Variants in UBAC2 observed in about 807,000 individuals in gnomAD.
UBAC2 encodes the protein ubiquitin-associated domain-containing protein 2.
In UBAC2, 26 loss-of-function variants were observed where a neutral mutation model predicts 44.0. The observed-to-expected ratio is 0.59, with a 90% CI of 0.43 to 0.82. The LOEUF is 0.82. Ranked by LOEUF, UBAC2 falls within the 40% of genes least tolerant of loss-of-function variation. The pLI, the probability that UBAC2 is intolerant of heterozygous loss-of-function variation, is 0.00. For synonymous variants in UBAC2, 155 were observed against 154.3 expected, an observed-to-expected ratio of 1.00 and a Z score of -0.04; for missense variants, 329 against 419.4, an observed-to-expected ratio of 0.78 and a Z score of 1.88.
intron 6 of UBAC2, among the ~76,000 whole-genome samples, chr13:99,325,096 CTCTTTTTTTTTTT>C (rs2044620295): frequency 8.9e-6 from 1 of 112,226 alleles, no homozygotes; most frequent in South Asian, 2.9e-4. Context: ...AGTGTCTATG[CTCTTTTTTTTTTT>C]TTTTTTTTTT....
intron 8 of UBAC2, among the ~76,000 whole-genome samples, chr13:99,373,934 A>G (rs934086511): frequency 4.6e-5 from 7 of 152,212 alleles, no homozygotes; most frequent in African/African-American, 1.2e-4. Flanking sequence ...AATTTTCTCT[A>G]TCCAGGCCCA....
chr13:99,304,651 AG>A (rs1263508686), intron 4 of UBAC2, among the ~76,000 whole-genome samples: 3 of 152,224 alleles, frequency 2.0e-5, no homozygotes, highest in African/African-American at 7.2e-5. Flanking sequence ...ACTGTGTTCC[AG>A]GCACTGCCCT....
At chr13:99,348,275 C>T (rs886797950) in intron 7 of UBAC2, among the ~76,000 whole-genome samples, 3 of 152,222 alleles carry the variant, frequency 2.0e-5, no homozygotes, top group East Asian at 1.9e-4. Context: ...TTGCAGCCAG[C>T]GAGGGGAAGA....
chr13:99,293,369 C>G (rs1220890371), intron 4 of UBAC2, among the ~76,000 whole-genome samples: 1 of 152,186 alleles, frequency 6.6e-6, no homozygotes. Context: ...GAAGGCGTCT[C>G]TACTCCAGTG....
Position 99,318,029 on chromosome 13 carries a change from C to T in UBAC2, c.521C>T (p.Thr174Ile), listed in dbSNP as rs1403002084. 5 of 1,609,252 alleles carry T rather than the reference C, an allele frequency of 3.1e-6. No individual in the cohort carries two copies. The highest frequency in any genetic ancestry group is 3.4e-6 in the Non-Finnish European group (4 of 1,178,468). ...LIYILGLQLF[T>I]SGSYIWIVAI... ...TTTTTTTTTCTTTTATAGCTTTTCA[C>T]CTCTGGTTCCTACATCTGGATTGTA... The change falls in exon 6 of 9, where the codon ACC becomes ATC. Residue 174 changes from threonine to isoleucine, a missense_variant. Physicochemically the swap from Thr to Ile is moderately conservative, Grantham distance 89. Transcript: ENST00000403766.
intron 1 of UBAC2, among the ~76,000 whole-genome samples, chr13:99,206,327 A>C (rs891042164): frequency 6.6e-6 from 1 of 152,222 alleles, no homozygotes; most frequent in African/African-American, 2.4e-5. Flanking sequence ...CCATTCCAGC[A>C]TGTAAGGGAT....
At chr13:99,343,366 C>T (rs903440396) in intron 7 of UBAC2, among the ~76,000 whole-genome samples, 4 of 101,398 alleles carry the variant, frequency 3.9e-5, no homozygotes, top group South Asian at 2.7e-4. Context: ...AAACTCCGCA[C>T]GGTGTCTTTC....
intron 7 of UBAC2, among the ~76,000 whole-genome samples, chr13:99,359,947 A>C (rs188834112): frequency 6.6e-6 from 1 of 152,358 alleles, no homozygotes; most frequent in East Asian, 1.9e-4. Flanking sequence ...TGGCATGCTG[A>C]TAAAGGCTTT....
At chr13:99,203,779 CG>C (rs1473147025) in intron 1 of UBAC2, among the ~76,000 whole-genome samples, 1 of 151,926 alleles carries the variant, frequency 6.6e-6, no homozygotes, top group African/African-American at 2.4e-5. Flanking sequence ...GGAGGGTAGC[CG>C]GGAAGGTGAC....
intron 4 of UBAC2, among the ~76,000 whole-genome samples, chr13:99,274,916 C>G (rs892406666): frequency 1.3e-5 from 2 of 151,832 alleles, no homozygotes; most frequent in African/African-American, 4.8e-5. Context: ...TGAGGTTTCT[C>G]CATGTTGCCC....
chr13:99,271,396 C>T (rs915992404), intron 4 of UBAC2, among the ~76,000 whole-genome samples: 29 of 152,096 alleles, frequency 1.9e-4, no homozygotes, highest in Admixed American at 1.0e-3. Context: ...GAGATGGGAC[C>T]ATCCCGTACG....
intron 8 of UBAC2, among the ~76,000 whole-genome samples, chr13:99,373,385 C>G (rs1454969008): frequency 6.6e-6 from 1 of 152,066 alleles, no homozygotes; most frequent in Non-Finnish European, 1.5e-5. Flanking sequence ...TAGACCAAAG[C>G]TGGGATTTAA....
chr13:99,271,951 G>T (rs1026685332), intron 4 of UBAC2, among the ~76,000 whole-genome samples: 3 of 152,148 alleles, frequency 2.0e-5, no homozygotes, highest in Admixed American at 6.5e-5. Context: ...TATGATGTTG[G>T]CCTTAGATTT....
At chr13:99,271,778 C>A (rs1054426140) in intron 4 of UBAC2, among the ~76,000 whole-genome samples, 4 of 152,002 alleles carry the variant, frequency 2.6e-5, no homozygotes, top group African/African-American at 9.7e-5. Flanking sequence ...CTTCGAGTCC[C>A]CATGTCCCCC....
chr13:99,288,407 T>G (rs1248211826), intron 4 of UBAC2, among the ~76,000 whole-genome samples: 1 of 152,196 alleles, frequency 6.6e-6, no homozygotes, highest in African/African-American at 2.4e-5. Context: ...ACAGTTAGCA[T>G]GCAGATAGAC....
At position 99,325,216 on chromosome 13, in the gene UBAC2, C is replaced by A. The variant is rs529009901; in HGVS notation, c.561+7147C>A. Among the ~76,000 whole-genome samples the A allele has an allele frequency of 2.0e-5, 3 of 151,446 alleles. No homozygotes were observed. In the South Asian group the frequency reaches 6.2e-4, roughly 32 times the overall value. ...CTCCCGGGTTCACACCATTCTCCTGCCTCAGCCTCCCAAGTAGCTGGGACT... is the reference window on the plus strand; with the variant it reads ...CTCCCGGGTTCACACCATTCTCCTGACTCAGCCTCCCAAGTAGCTGGGACT... On this transcript the variant is annotated intron_variant, in intron 6 of 8. Transcript: ENST00000403766.
intron 4 of UBAC2, among the ~76,000 whole-genome samples, chr13:99,260,562 G>A (rs1050260260): frequency 1.3e-5 from 2 of 152,186 alleles, no homozygotes; most frequent in Non-Finnish European, 2.9e-5. Context: ...ACCCCCGTTC[G>A]CTGTGCTCCT....
chr13:99,289,162 CA>C (rs2044058267), intron 4 of UBAC2, among the ~76,000 whole-genome samples: 1 of 152,224 alleles, frequency 6.6e-6, no homozygotes, highest in Non-Finnish European at 1.5e-5. Context: ...CACCCATCTC[CA>C]GGCCAGTGTC....
chr13:99,292,143 CT>C (rs1364728324), intron 4 of UBAC2, among the ~76,000 whole-genome samples: 8 of 143,922 alleles, frequency 5.6e-5, no homozygotes, highest in African/African-American at 7.7e-5. Context: ...TTTTTCTTTT[CT>C]TTTTTTTTTG....
Sources: gnomAD v4.1 joint callset for allele counts (sites outside exome capture counted in the v4.1 genomes callset) on GRCh38, gnomAD v4.1.1 for gene constraint, MANE v1.5 for transcripts, NCBI Gene and HGNC (gene_info 2026-07-23, HGNC 2026-07-21) for gene names.